Variants in SENP6 observed in about 807,000 individuals in gnomAD.
SENP6 encodes SUMO specific peptidase 6, also known as sentrin-specific protease 6.
A neutral mutation model predicts 134.5 loss-of-function variants in SENP6; 41 were observed. The observed-to-expected ratio is 0.30, with a 90% confidence interval of 0.24 to 0.40. SENP6 has a LOEUF of 0.40. SENP6 is among the 10% of genes least tolerant of loss of function. SENP6 has a pLI of 1.00. For synonymous variants in SENP6, 395 were observed against 429.8 expected (o/e 0.92, Z 1.00); for missense variants, 1,248 against 1,312.5 (o/e 0.95, Z 0.76).
At position 75,602,464 on chromosome 6, in the gene SENP6, C is replaced by G. The variant is rs1582630832; in HGVS notation, c.-61C>G. On this transcript the variant is annotated 5_prime_UTR_variant, in exon 1 of 24. Transcript: ENST00000447266. ...CCTCCTCCGGCGCGGCCCCTCATCC[C>G]GGCGAGCACGGCGGCGGTGTGGGCC... 1 of 1,543,048 alleles carries G rather than the reference C, an allele frequency of 6.5e-7. No individual in the cohort carries two copies. Among genetic ancestry groups the G allele is most frequent in the Non-Finnish European group, 8.8e-7 (1 of 1,141,530 alleles).
intron 16 of SENP6, among the ~76,000 whole-genome samples, chr6:75,691,662 C>G (rs1419058865): frequency 6.6e-6 from 1 of 151,572 alleles, no homozygotes; most frequent in Non-Finnish European, 1.5e-5. Context: ...TGCAGTGGCG[C>G]GATCTCAGCT....
intron 10 of SENP6, among the ~76,000 whole-genome samples, chr6:75,669,061 G>GA (rs900753956): frequency 3.9e-5 from 6 of 152,212 alleles, no homozygotes; most frequent in Admixed American, 2.0e-4. Context: ...AATAATAAGG[G>GA]AAAATAGGCC....
chr6:75,670,711 G>A lies in SENP6; in HGVS notation c.1383G>A (p.Glu461=). 6.2e-7 allele frequency: 1 copy of A among 1,602,594 alleles called. No individual in the cohort carries two copies. Among genetic ancestry groups the A allele is most frequent in the Non-Finnish European group, 8.5e-7 (1 of 1,173,032 alleles). The change falls in exon 11 of 24, where the codon GAG becomes GAA. Residue 461 remains glutamate, a synonymous_variant. Transcript: ENST00000447266. ...GAACACTCTTCCGGCTGTTAATAGA[G>A]CCTGTAATTGTAAGTACATCTTAAG... is the stretch of plus-strand genomic sequence containing the variant. The part of the protein sequence containing the change: ...RVGTLFRLLI[E]PVIFCLDFIK...
At chr6:75,690,865 G>C (rs565989245) in intron 16 of SENP6, among the ~76,000 whole-genome samples, 1 of 150,812 alleles carries the variant, frequency 6.6e-6, no homozygotes, top group Admixed American at 6.6e-5. Flanking sequence ...CTGGCTAATT[G>C]TTTTGTATTT....
At chr6:75,602,818 G>C (rs1397061400) in intron 1 of SENP6, among the ~76,000 whole-genome samples, 1 of 152,232 alleles carries the variant, frequency 6.6e-6, no homozygotes, top group Non-Finnish European at 1.5e-5. Flanking sequence ...CTACGAGCCA[G>C]AGTTGGTGGG....
intron 19 of SENP6, among the ~76,000 whole-genome samples, chr6:75,704,150 T>G (rs959782482): frequency 2.0e-5 from 3 of 152,052 alleles, no homozygotes; most frequent in African/African-American, 4.8e-5. Context: ...GAGAAAGAAA[T>G]AAGACACAGA....
chr6:75,614,009 A>G (rs603301), intron 1 of SENP6, among the ~76,000 whole-genome samples: 140,126 of 152,264 alleles, frequency 0.92, 65,067 homozygotes, highest in South Asian at 0.99. Context: ...ACCTTGACAT[A>G]TTTTAAGAAA....
intron 16 of SENP6, among the ~76,000 whole-genome samples, chr6:75,691,706 T>A (rs1021743728): frequency 2.0e-5 from 3 of 152,050 alleles, no homozygotes; most frequent in African/African-American, 7.2e-5. Flanking sequence ...GGCATTCTCC[T>A]GCCTCAGCCT....
chr6:75,690,901 T>C (rs1020065930), intron 16 of SENP6, among the ~76,000 whole-genome samples: 3 of 151,964 alleles, frequency 2.0e-5, no homozygotes. Flanking sequence ...TTTCACCTTG[T>C]TGGCCACGCT....
chr6:75,666,904 C>T lies in SENP6; in HGVS notation c.1187C>T (p.Thr396Ile). The T allele has an allele frequency of 1.2e-6, 2 of 1,607,092 alleles. No individual in the cohort carries two copies. The highest frequency in any genetic ancestry group is 2.2e-5 in the South Asian group (2 of 90,488). ...RSIPEDSELN[T>I]VTLPRKARMK... Reference sequence around the variant, plus strand: ...ATTCCAGAAGACTCAGAGTTAAATACAGTTACATTGCCAAGAAAAGCAAGA... The same window carrying T: ...ATTCCAGAAGACTCAGAGTTAAATATAGTTACATTGCCAAGAAAAGCAAGA... The change falls in exon 10 of 24, where the codon ACA becomes ATA. Residue 396 changes from threonine (T) to isoleucine (I), a missense_variant. Transcript: ENST00000447266.
intron 7 of SENP6, among the ~76,000 whole-genome samples, chr6:75,653,332 T>TA (rs1771062479): frequency 6.6e-6 from 1 of 152,174 alleles, no homozygotes; most frequent in South Asian, 2.1e-4. Flanking sequence ...TGCCTGGCCT[T>TA]ACTTTTTTCT....
At chr6:75,623,136 T>G (rs1449305687) in intron 2 of SENP6, among the ~76,000 whole-genome samples, 1 of 152,214 alleles carries the variant, frequency 6.6e-6, no homozygotes, top group African/African-American at 2.4e-5. Context: ...TCTAGGACTT[T>G]ACAATAAATA....
At chr6:75,645,934 T>C (rs1770403127) in intron 6 of SENP6, among the ~76,000 whole-genome samples, 1 of 152,200 alleles carries the variant, frequency 6.6e-6, no homozygotes, top group Non-Finnish European at 1.5e-5. Context: ...AGCTATCATA[T>C]GATGTATTCA....
At chr6:75,675,546 A>G (rs557805746) in intron 12 of SENP6, 78 bp downstream of exon 12, 22 of 884,474 alleles carry the variant, frequency 2.5e-5, no homozygotes, top group Non-Finnish European at 3.6e-5. Flanking sequence ...AGATTAAATA[A>G]TATTCATAGA....
intron 1 of SENP6, among the ~76,000 whole-genome samples, chr6:75,617,543 G>T (rs895052226): frequency 2.6e-5 from 4 of 152,038 alleles, no homozygotes; most frequent in Non-Finnish European, 5.9e-5. Flanking sequence ...CTCCCAAAGT[G>T]CTGGGATTAC....
intron 3 of SENP6, among the ~76,000 whole-genome samples, 168 bp downstream of exon 3, chr6:75,624,128 A>G (rs1768486376): frequency 6.6e-6 from 1 of 152,192 alleles, no homozygotes. Context: ...TGTTTCATGC[A>G]TTATAAAGAA....
intron 2 of SENP6, chr6:75,622,966 G>A: frequency 3.1e-6 from 1 of 324,652 alleles, no homozygotes; most frequent in Non-Finnish European, 5.1e-6. Context: ...TATGCATATA[G>A]TTTTGAAAAA....
chr6:75,695,580 T>C (rs1338488005), intron 16 of SENP6, among the ~76,000 whole-genome samples: 1 of 151,860 alleles, frequency 6.6e-6, no homozygotes, highest in Non-Finnish European at 1.5e-5. Flanking sequence ...TCTACTAAAA[T>C]AGAAAAATTA....
At chr6:75,613,746 A>T (rs1252961730) in intron 1 of SENP6, among the ~76,000 whole-genome samples, 1 of 151,164 alleles carries the variant, frequency 6.6e-6, no homozygotes, top group East Asian at 1.9e-4. Flanking sequence ...ACTTACCCTT[A>T]TTTGTTTAGG....
Sources: allele counts gnomAD v4.1 joint callset (sites outside exome capture counted in the v4.1 genomes callset), GRCh38; gene constraint gnomAD v4.1.1; transcripts MANE v1.5; gene names NCBI Gene and HGNC (gene_info 2026-07-23, HGNC 2026-07-21).